The following EHBP1 variants were observed in gnomAD, a reference collection of about 807,000 sequenced individuals.
EHBP1 encodes EH domain binding protein 1, also known as EH domain-binding protein 1.
Under a neutral mutation model 144.0 loss-of-function variants are expected in EHBP1, and 55 were observed. That is an observed-to-expected ratio of 0.38 (90% confidence interval 0.31 to 0.48). The LOEUF (loss-of-function observed/expected upper bound fraction) is 0.48. EHBP1 is among the 20% of genes least tolerant of loss of function. EHBP1 has a pLI of 0.98. For missense variants in EHBP1, 1,200 were observed against 1,364.2 expected, an observed-to-expected ratio of 0.88 and a Z score of 1.90; for synonymous variants, 469 against 472.7, an observed-to-expected ratio of 0.99 and a Z score of 0.10.
At chr2:63,006,072 A>T (rs1218036395) in intron 19 of EHBP1, among the ~76,000 whole-genome samples, 3 of 151,968 alleles carry the variant, frequency 2.0e-5, no homozygotes, top group Non-Finnish European at 4.4e-5. Context: ...AGCCAGAATT[A>T]TCCTCTCCTT....
intron 7 of EHBP1, among the ~76,000 whole-genome samples, chr2:62,847,000 T>C (rs1573684630): frequency 6.6e-6 from 1 of 152,186 alleles, no homozygotes; most frequent in African/African-American, 2.4e-5. Context: ...AAAGTATATT[T>C]GGGGATGCAA....
rs140832052 is a variant in EHBP1 at position 62,874,454 on chromosome 2, A to G, written c.1107A>G (p.Pro369=). 1.7e-4 allele frequency: 279 copies of G among 1,613,678 alleles called. 2 individuals carry two copies. The African/African-American group carries it at 3.1e-3, about 18-fold the overall frequency. Reference sequence around the variant, plus strand: ...GAGTGAAAAGAAAGGCCCCGGCTCCACCAGTCCTCTCACCAAAAACAGGAG... The same window carrying G: ...GAGTGAAAAGAAAGGCCCCGGCTCCGCCAGTCCTCTCACCAAAAACAGGAG... ...ERRVKRKAPA[P]PVLSPKTGVL... The change falls in exon 10 of 23, where the codon CCA becomes CCG. Residue 369 remains proline (P), a synonymous_variant. Coordinates refer to ENST00000431489, the MANE Select transcript of EHBP1 (RefSeq NM_001142616.3).
At chr2:63,013,128 C>T (rs1321685751) in intron 19 of EHBP1, among the ~76,000 whole-genome samples, 6 of 152,170 alleles carry the variant, frequency 3.9e-5, no homozygotes, top group Admixed American at 2.6e-4. Context: ...AGAATCGGGT[C>T]TTACATAGTG....
intron 3 of EHBP1, among the ~76,000 whole-genome samples, chr2:62,751,916 G>A (rs190304656): frequency 1.3e-5 from 2 of 151,472 alleles, no homozygotes; most frequent in Non-Finnish European, 2.9e-5. Flanking sequence ...CAATTTTGTT[G>A]ATCTTTTCAA....
At chr2:62,720,079 G>T (rs1340751196) in intron 2 of EHBP1, among the ~76,000 whole-genome samples, 1 of 152,142 alleles carries the variant, frequency 6.6e-6, no homozygotes, top group East Asian at 1.9e-4. Flanking sequence ...TCAAGTTTGA[G>T]AATTAGATTG....
At chr2:62,841,264 C>G (rs1217073109) in intron 7 of EHBP1, among the ~76,000 whole-genome samples, 9 of 148,228 alleles carry the variant, frequency 6.1e-5, no homozygotes, top group Admixed American at 5.6e-4. Flanking sequence ...ACCGCATATT[C>G]TCACTCATAG....
intron 10 of EHBP1, among the ~76,000 whole-genome samples, chr2:62,893,348 G>A (rs574430809): frequency 5.3e-5 from 8 of 151,800 alleles, no homozygotes; most frequent in South Asian, 4.2e-4. Context: ...TTTTTTAAAC[G>A]GTGTGAGATG....
Position 62,928,747 on chromosome 2 carries a change from C to G in EHBP1, c.1186-13971C>G, listed in dbSNP as rs1376990282. On this transcript the variant is annotated intron_variant, in intron 10 of 22. Transcript: ENST00000431489. ...AGAGCAGAGATAAACAAAATGGAGA[C>G]TAGAAAAACAATTGAGAAAATTAAT... is the stretch of plus-strand genomic sequence containing the variant. Among the ~76,000 whole-genome samples the G allele has an allele frequency of 2.0e-5, 3 of 148,364 alleles. No individual in the cohort carries two copies. In the East Asian group the frequency reaches 5.9e-4, roughly 29 times the overall value.
intron 1 of EHBP1, among the ~76,000 whole-genome samples, chr2:62,678,096 C>T (rs1486688330): frequency 6.6e-6 from 1 of 152,204 alleles, no homozygotes; most frequent in Admixed American, 6.5e-5. Flanking sequence ...TATGTTCCCA[C>T]CAACAGCGTA....
intron 1 of EHBP1, among the ~76,000 whole-genome samples, chr2:62,679,104 T>C (rs1572852807): frequency 6.6e-6 from 1 of 152,248 alleles, no homozygotes; most frequent in Non-Finnish European, 1.5e-5. Context: ...CTATAGCCTA[T>C]GCTTTGTATT....
chr2:62,844,507 G>A (rs1158326535), intron 7 of EHBP1, among the ~76,000 whole-genome samples: 1 of 152,138 alleles, frequency 6.6e-6, no homozygotes, highest in East Asian at 1.9e-4. Flanking sequence ...AAAGCTTGCT[G>A]CAGCCAGTAG....
chr2:62,684,777 G>A (rs1202054619), intron 1 of EHBP1, among the ~76,000 whole-genome samples: 1 of 152,188 alleles, frequency 6.6e-6, no homozygotes, highest in Non-Finnish European at 1.5e-5. Flanking sequence ...AGGAAGAAAG[G>A]AAGGGAAGGA....
At chr2:62,792,421 G>A (rs569685484) in intron 5 of EHBP1, among the ~76,000 whole-genome samples, 16 of 152,084 alleles carry the variant, frequency 1.1e-4, no homozygotes, top group South Asian at 2.1e-4. Flanking sequence ...TCATATTCTC[G>A]TTTTCAAAAC....
At chr2:62,892,382 A>G (rs1190336935) in intron 10 of EHBP1, among the ~76,000 whole-genome samples, 1 of 152,108 alleles carries the variant, frequency 6.6e-6, no homozygotes, top group Non-Finnish European at 1.5e-5. Flanking sequence ...AAAACAGAAA[A>G]GGTTCATTTA....
Position 62,865,147 on chromosome 2 carries a change from T to G in EHBP1, c.998+176T>G, listed in dbSNP as rs560935520. ...CTTAAACCTTATTCTCCCACCCTCT[T>G]CCAGGTATGTGTGTGTGTACCCTAA... On this transcript the variant is annotated intron_variant, in intron 9 of 22. Transcript: ENST00000431489. 2.0e-5 allele frequency among the ~76,000 whole-genome samples: 3 copies of G among 152,320 alleles called. No individual in the cohort carries two copies. In the South Asian group the frequency reaches 6.2e-4, roughly 32 times the overall value.
intron 10 of EHBP1, among the ~76,000 whole-genome samples, chr2:62,927,556 A>C (rs1282025636): frequency 6.6e-6 from 1 of 152,202 alleles, no homozygotes; most frequent in Non-Finnish European, 1.5e-5. Context: ...TCAATACATC[A>C]AGAAGATATA....
chr2:62,766,059 C>G (rs2041159643), intron 4 of EHBP1, among the ~76,000 whole-genome samples: 1 of 152,162 alleles, frequency 6.6e-6, no homozygotes. Context: ...AGGTTTTTAT[C>G]CTACCTATGT....
chr2:62,824,192 A>G (rs919984954), intron 5 of EHBP1, among the ~76,000 whole-genome samples: 2 of 152,022 alleles, frequency 1.3e-5, no homozygotes, highest in African/African-American at 4.8e-5. Flanking sequence ...TTTCAAAATT[A>G]TGCTCATTTC....
chr2:63,030,825 T>C (rs1480657962), intron 19 of EHBP1, among the ~76,000 whole-genome samples: 1 of 143,690 alleles, frequency 7.0e-6, no homozygotes, highest in Non-Finnish European at 1.5e-5. Flanking sequence ...AGATGGAGTT[T>C]CGCTCTGTCG....
Sources: allele counts gnomAD v4.1 joint callset (sites outside exome capture counted in the v4.1 genomes callset), GRCh38; gene constraint gnomAD v4.1.1; transcripts MANE v1.5; gene names NCBI Gene and HGNC (gene_info 2026-07-23, HGNC 2026-07-21).